Variants in EAF2 observed in about 807,000 individuals in gnomAD.
EAF2 encodes ELL-associated factor 2.
In EAF2, 29 loss-of-function variants were observed where a neutral mutation model predicts 29.4. The ratio of observed to expected loss-of-function variants is 0.99; its 90% CI spans 0.73 to 1.35. The LOEUF (loss-of-function observed/expected upper bound fraction) is 1.35. EAF2 is among the 40% of genes most tolerant of loss of function. EAF2 has a pLI of 0.00. For missense variants in EAF2, 292 were observed against 312.0 expected (o/e 0.94, Z 0.48); for synonymous variants, 103 against 102.5 (o/e 1.00, Z -0.03).
chr3:121,836,502 G>A (rs888657663), intron 1 of EAF2: 8 of 328,244 alleles, frequency 2.4e-5, no homozygotes, highest in East Asian at 1.7e-4. Flanking sequence ...TTTTAACCCT[G>A]CAAGAATATA....
At chr3:121,838,459 C>A (rs1293775769) in intron 1 of EAF2, among the ~76,000 whole-genome samples, 2 of 152,102 alleles carry the variant, frequency 1.3e-5, no homozygotes, top group Non-Finnish European at 2.9e-5. Flanking sequence ...AAGTTATATA[C>A]TTTTAAAAAA....
At chr3:121,840,513 A>AC (rs1708397147) in intron 1 of EAF2, among the ~76,000 whole-genome samples, 2 of 116,962 alleles carry the variant, frequency 1.7e-5, no homozygotes, top group African/African-American at 6.6e-5. Context: ...AAAAAAGAAA[A>AC]AAAAAAAACG....
At chr3:121,849,981 A>G (rs906154721) in intron 2 of EAF2, among the ~76,000 whole-genome samples, 5 of 131,340 alleles carry the variant, frequency 3.8e-5, no homozygotes, top group African/African-American at 1.4e-4. Flanking sequence ...TTGTGTGTTC[A>G]CAGAATCTTA....
intron 2 of EAF2, among the ~76,000 whole-genome samples, chr3:121,847,016 C>CA (rs1258903338): frequency 1.3e-5 from 2 of 152,114 alleles, no homozygotes; most frequent in Non-Finnish European, 2.9e-5. Flanking sequence ...TCACTACCAC[C>CA]ACCACCGCTC....
Position 121,844,520 on chromosome 3 carries a change from G to C in EAF2, c.174G>C (p.Gln58His). The change falls in exon 2 of 6, where the codon CAG becomes CAC. Residue 58 changes from glutamine (Q) to histidine (H), a missense_variant. Gln to His is a conservative substitution (Grantham distance 24, BLOSUM62 0). Transcript: ENST00000273668. ...ACCTTGAGGTTGGTGAAGGTGAACA[G>C]GTGACCATAACTCTGCCAAATATAG... ...EGYLEVGEGE[Q>H]VTITLPNIEG... 6.2e-7 allele frequency: 1 copy of C among 1,610,524 alleles called. No homozygotes were observed. Among genetic ancestry groups the C allele is most frequent in the East Asian group, 2.2e-5 (1 of 44,482 alleles).
At chr3:121,854,565 G>A (rs755967004) in intron 2 of EAF2, 122 bp from the exon 3 acceptor site, 86 of 714,362 alleles carry the variant, frequency 1.2e-4, no homozygotes, top group Non-Finnish European at 1.6e-4. Context: ...GTAAATTTAG[G>A]TAGTTTATGG....
intron 4 of EAF2, among the ~76,000 whole-genome samples, chr3:121,866,883 T>C (rs894227654): frequency 1.3e-5 from 2 of 152,164 alleles, no homozygotes; most frequent in African/African-American, 4.8e-5. Flanking sequence ...TCAATGATCT[T>C]TAAACAATTA....
At chr3:121,850,611 A>G (rs938025601) in intron 2 of EAF2, among the ~76,000 whole-genome samples, 4 of 152,062 alleles carry the variant, frequency 2.6e-5, no homozygotes, top group African/African-American at 7.2e-5. Flanking sequence ...TTGCCAAGAT[A>G]TTGTGTTACA....
intron 1 of EAF2, 31 bp downstream of exon 1, chr3:121,835,422 G>C: frequency 6.3e-7 from 1 of 1,595,886 alleles, no homozygotes; most frequent in Non-Finnish European, 8.6e-7. Flanking sequence ...GATAGAGGGG[G>C]AGCCTCCCGG....
intron 4 of EAF2, among the ~76,000 whole-genome samples, chr3:121,869,959 C>T (rs1708984029): frequency 6.6e-6 from 1 of 152,052 alleles, no homozygotes; most frequent in African/African-American, 2.4e-5. Flanking sequence ...TGGACTAGTT[C>T]CTCAAAAGCT....
chr3:121,835,890 G>GTA (rs1432082028), intron 1 of EAF2, among the ~76,000 whole-genome samples: 14 of 152,128 alleles, frequency 9.2e-5, no homozygotes, highest in Non-Finnish European at 1.9e-4. Flanking sequence ...CCAATGATCT[G>GTA]TATATCTCTT....
At chr3:121,878,186 A>G (rs978650884) in intron 5 of EAF2, among the ~76,000 whole-genome samples, 2 of 152,148 alleles carry the variant, frequency 1.3e-5, no homozygotes, top group Non-Finnish European at 2.9e-5. Context: ...CCAATCTTTA[A>G]CAAGGGCTGA....
chr3:121,870,739 G>A (rs1708997270), intron 4 of EAF2, among the ~76,000 whole-genome samples: 1 of 152,048 alleles, frequency 6.6e-6, no homozygotes, highest in African/African-American at 2.4e-5. Flanking sequence ...TATAAAAATG[G>A]ACAAAAGATT....
At chr3:121,845,730 G>A (rs919711463) in intron 2 of EAF2, among the ~76,000 whole-genome samples, 1 of 151,750 alleles carries the variant, frequency 6.6e-6, no homozygotes, top group Admixed American at 6.6e-5. Context: ...ATTAGATTGT[G>A]TTTTTGAAAG....
chr3:121,885,429 G>A (rs968438275), intron 5 of EAF2, among the ~76,000 whole-genome samples: 20 of 152,048 alleles, frequency 1.3e-4, no homozygotes, highest in Non-Finnish European at 2.5e-4. Context: ...ATCTACAACC[G>A]GTTTTAAGTT....
chr3:121,862,927 C>A (rs1345892300), intron 4 of EAF2, among the ~76,000 whole-genome samples: 1 of 152,218 alleles, frequency 6.6e-6, no homozygotes, highest in East Asian at 1.9e-4. Flanking sequence ...TCAGGACCCT[C>A]AGCTGCAGTC....
intron 1 of EAF2, among the ~76,000 whole-genome samples, chr3:121,842,332 G>A (rs951866471): frequency 6.6e-6 from 1 of 152,186 alleles, no homozygotes; most frequent in Admixed American, 6.5e-5. Flanking sequence ...CATATTAAAT[G>A]ACTTTGGTTC....
chr3:121,849,697 G>A (rs933189007), intron 2 of EAF2, among the ~76,000 whole-genome samples: 1 of 152,074 alleles, frequency 6.6e-6, no homozygotes, highest in Admixed American at 6.6e-5. Flanking sequence ...CTTGGGCAAA[G>A]TCCCTTCCCA....
chr3:121,874,170 TCTCA>T (rs1287550746), intron 5 of EAF2, among the ~76,000 whole-genome samples: 4 of 151,740 alleles, frequency 2.6e-5, no homozygotes, highest in Admixed American at 2.6e-4. Context: ...TTAAAATTAA[TCTCA>T]CTATGTTTAT....
Sources: allele counts gnomAD v4.1 joint callset (sites outside exome capture counted in the v4.1 genomes callset), GRCh38; gene constraint gnomAD v4.1.1; transcripts MANE v1.5; gene names NCBI Gene and HGNC (gene_info 2026-07-23, HGNC 2026-07-21).